The following KLF12 variants were observed in gnomAD, a reference collection of about 807,000 sequenced individuals.
KLF12 encodes the protein KLF transcription factor 12, also known as Krueppel-like factor 12.
KLF12 carries 9 observed loss-of-function variants against 37.8 expected under a neutral mutation model. The observed-to-expected ratio is 0.24, with a 90% CI of 0.14 to 0.42. KLF12 has a LOEUF of 0.42. Ranked by LOEUF, KLF12 falls within the 10% of genes least tolerant of loss-of-function variation. KLF12 has a pLI of 1.00. For missense variants in KLF12, 411 were observed against 516.0 expected (o/e 0.80, Z 1.97); for synonymous variants, 208 against 202.1 (o/e 1.03, Z -0.25).
Position 73,689,990 on chromosome 13 carries a change from A to G in KLF12, c.*5500T>C, listed in dbSNP as rs1441594796. 1 of 152,292 alleles carries G rather than the reference A, an allele frequency of 6.6e-6. No homozygotes were observed. Among genetic ancestry groups the G allele is most frequent in the Non-Finnish European group, 1.5e-5 (1 of 68,032 alleles). 9.4% of individuals were successfully genotyped at this position (152,292 alleles called of 1,614,324 possible). On this transcript the variant is annotated 3_prime_UTR_variant, in exon 8 of 8. Transcript: ENST00000377669. ...CTTAATGTTCAGATTTGTGTTCTTA[A>G]CGTTCTGCAAGTTAGAAAGATCAAA... is the stretch of plus-strand genomic sequence containing the variant.
chr13:73,975,775 T>G (rs1405673426), intron 2 of KLF12, among the ~76,000 whole-genome samples: 1 of 152,176 alleles, frequency 6.6e-6, no homozygotes, highest in East Asian at 1.9e-4. Flanking sequence ...TGGCCTATGT[T>G]CTTTCTCCAC....
At chr13:73,850,652 G>A (rs973148686) in intron 3 of KLF12, among the ~76,000 whole-genome samples, 4 of 152,202 alleles carry the variant, frequency 2.6e-5, no homozygotes. Flanking sequence ...TGTCGTTCAA[G>A]ATTCACATGC....
At chr13:74,202,191 G>T in the KLF12 span, among the ~76,000 whole-genome samples, 2 of 152,084 alleles carry the variant, frequency 1.3e-5, no homozygotes, top group African/African-American at 4.8e-5. Context: ...TAATAACTTG[G>T]TGCCTATCCT....
chr13:74,208,979 G>T, the KLF12 span, among the ~76,000 whole-genome samples: 5 of 151,996 alleles, frequency 3.3e-5, no homozygotes, highest in Non-Finnish European at 7.4e-5. Context: ...TCATACGGGA[G>T]CACTAAATAC....
chr13:74,009,622 G>A (rs1892498249), intron 1 of KLF12, among the ~76,000 whole-genome samples: 2 of 152,188 alleles, frequency 1.3e-5, no homozygotes, highest in Non-Finnish European at 2.9e-5. Context: ...GGTAATTTTT[G>A]AAGAACTCCA....
intron 2 of KLF12, among the ~76,000 whole-genome samples, chr13:73,968,948 T>G (rs2138089240): frequency 6.6e-6 from 1 of 151,594 alleles, no homozygotes; most frequent in South Asian, 2.1e-4. Context: ...TATCATAACC[T>G]CCGTTTGGAT....
At chr13:74,147,932 GAC>G in the KLF12 span, among the ~76,000 whole-genome samples, 1 of 150,160 alleles carries the variant, frequency 6.7e-6, no homozygotes, top group African/African-American at 2.5e-5. Flanking sequence ...TTTTTTTTGA[GAC>G]AGAGTCTCAC....
intron 4 of KLF12, among the ~76,000 whole-genome samples, chr13:73,841,097 T>C (rs891298668): frequency 1.3e-5 from 2 of 152,218 alleles, no homozygotes; most frequent in South Asian, 2.1e-4. Context: ...ACACATGAAC[T>C]GTCACTGCTA....
At chr13:73,833,011 T>C (rs9573308) in intron 4 of KLF12, among the ~76,000 whole-genome samples, 95,668 of 152,102 alleles carry the variant, frequency 0.63, 31,145 homozygotes, top group Non-Finnish European at 0.72. Flanking sequence ...GTGGGATTAC[T>C]CATACTCCAC....
intron 1 of KLF12, among the ~76,000 whole-genome samples, chr13:74,061,673 C>T (rs1341693282): frequency 1.3e-5 from 2 of 152,124 alleles, no homozygotes; most frequent in East Asian, 1.9e-4. Context: ...CCAAGTATCC[C>T]GAGGCTAATC....
At chr13:74,026,047 T>C (rs1892968702) in intron 1 of KLF12, among the ~76,000 whole-genome samples, 1 of 152,162 alleles carries the variant, frequency 6.6e-6, no homozygotes, top group South Asian at 2.1e-4. Flanking sequence ...TCATAATTTA[T>C]GCCAATTATG....
chr13:74,094,503 G>C (rs1286453196), intron 1 of KLF12, among the ~76,000 whole-genome samples: 3 of 151,922 alleles, frequency 2.0e-5, no homozygotes, highest in Admixed American at 2.0e-4. Context: ...AAATGCAAAA[G>C]AACTGGGCCA....
the KLF12 span, among the ~76,000 whole-genome samples, chr13:74,280,403 G>T: frequency 0.77 from 117,145 of 152,162 alleles, 45,346 homozygotes; most frequent in South Asian, 0.88. Flanking sequence ...AGACTTCTGA[G>T]TAAAGGTGTG....
chr13:73,977,804 G>A (rs1051954877), intron 2 of KLF12, among the ~76,000 whole-genome samples: 1 of 152,178 alleles, frequency 6.6e-6, no homozygotes, highest in Non-Finnish European at 1.5e-5. Context: ...ACAGAGTTCA[G>A]AAATAGACCC....
chr13:74,207,231 C>G, the KLF12 span, among the ~76,000 whole-genome samples: 1 of 152,156 alleles, frequency 6.6e-6, no homozygotes, highest in African/African-American at 2.4e-5. Context: ...GCCTAATGTC[C>G]TCTTAACAGT....
intron 7 of KLF12, among the ~76,000 whole-genome samples, chr13:73,714,732 G>T (rs1195579744): frequency 1.3e-5 from 2 of 152,120 alleles, no homozygotes; most frequent in Non-Finnish European, 2.9e-5. Flanking sequence ...GGTGGGCAGG[G>T]GCTAAGTGCA....
chr13:73,963,290 C>T (rs1891074310), intron 2 of KLF12, among the ~76,000 whole-genome samples: 1 of 51,136 alleles, frequency 2.0e-5, no homozygotes, highest in African/African-American at 9.9e-5. Flanking sequence ...TTTATACACA[C>T]ACACACACAC....
At chr13:74,127,290 G>A (rs1796179310) in intron 1 of KLF12, among the ~76,000 whole-genome samples, 1 of 152,158 alleles carries the variant, frequency 6.6e-6, no homozygotes, top group East Asian at 1.9e-4. Context: ...AATTTTTTCA[G>A]GGAAATAAAG....
At chr13:74,072,395 ATATATATATAT>A (rs1874316107) in intron 1 of KLF12, among the ~76,000 whole-genome samples, 1 of 130,044 alleles carries the variant, frequency 7.7e-6, no homozygotes, top group Non-Finnish European at 1.6e-5. Context: ...ATATATATAT[ATATATATATAT>A]AAAAGATTAT....
Sources: gnomAD v4.1 joint callset for allele counts (sites outside exome capture counted in the v4.1 genomes callset) on GRCh38, gnomAD v4.1.1 for gene constraint, MANE v1.5 for transcripts, NCBI Gene and HGNC (gene_info 2026-07-23, HGNC 2026-07-21) for gene names.